The following ACSL1 variants were observed in gnomAD, a reference collection of about 807,000 sequenced individuals.
The protein encoded by ACSL1 is long-chain-fatty-acid--CoA ligase 1.
A neutral mutation model predicts 98.4 loss-of-function variants in ACSL1; 41 were observed. The observed-to-expected ratio is 0.42, with a 90% CI of 0.32 to 0.54. ACSL1 has a LOEUF of 0.54. Ranked by LOEUF, ACSL1 falls within the 20% of genes least tolerant of loss-of-function variation. The pLI is 0.13. For synonymous variants in ACSL1, 316 were observed against 322.7 expected (o/e 0.98, Z 0.22); for missense variants, 734 against 883.1 (o/e 0.83, Z 2.14).
At chr4:184,820,327 C>T (rs538321330) in intron 1 of ACSL1, among the ~76,000 whole-genome samples, 1 of 152,250 alleles carries the variant, frequency 6.6e-6, no homozygotes, top group East Asian at 1.9e-4. Context: ...AGTCATGCGT[C>T]TCAATTGTTC....
At chr4:184,793,044 G>A (rs990151122) in intron 2 of ACSL1, among the ~76,000 whole-genome samples, 2 of 152,108 alleles carry the variant, frequency 1.3e-5, no homozygotes, top group East Asian at 1.9e-4. Flanking sequence ...TGTGTGGGTC[G>A]CTTGGGCTCA....
chr4:184,790,947 G>A (rs755907996), intron 2 of ACSL1, among the ~76,000 whole-genome samples: 28 of 152,138 alleles, frequency 1.8e-4, no homozygotes, highest in Non-Finnish European at 3.8e-4. Context: ...CCAAGGCTAA[G>A]GTAGGAAGAG....
intron 1 of ACSL1, among the ~76,000 whole-genome samples, chr4:184,811,366 C>A (rs1461212972): frequency 6.6e-6 from 1 of 152,102 alleles, no homozygotes; most frequent in Non-Finnish European, 1.5e-5. Flanking sequence ...CCCGCCTTGG[C>A]CTCCCAAAGT....
chr4:184,785,600 C>CCGGA (rs1392500206), intron 3 of ACSL1, among the ~76,000 whole-genome samples: 1 of 19,146 alleles, frequency 5.2e-5, no homozygotes, highest in Non-Finnish European at 2.1e-4. Context: ...TCCTCCTGGG[C>CCGGA]GGGGGCGGGG....
chr4:184,760,387 A>G lies in ACSL1; in HGVS notation c.1752T>C (p.Ala584=). The change falls in exon 18 of 21, where the codon GCT becomes GCC. Residue 584 remains alanine (A), a synonymous_variant. Coordinates refer to ENST00000281455, the MANE Select transcript of ACSL1 (RefSeq NM_001995.5). ...ENIYMRSEPV[A]QVFVHGESLQ... The stretch of plus-strand genomic sequence containing the variant: ...GGCTTTCTCCGTGGACAAACACCTG[A>G]GCAACAGGCTCACTTCGCATGTAGA... 1 of 1,614,206 alleles carries G rather than the reference A, an allele frequency of 6.2e-7. No individual in the cohort carries two copies. Among genetic ancestry groups the G allele is most frequent in the East Asian group, 2.2e-5 (1 of 44,886 alleles).
In ACSL1 at chr4:184,757,148, G is replaced by C; in HGVS notation, c.2074C>G (p.Leu692Val). The C allele has an allele frequency of 1.2e-6, 2 of 1,602,950 alleles. No homozygotes were observed. The highest frequency in any genetic ancestry group is 1.7e-6 in the Non-Finnish European group (2 of 1,170,694). Residue 692 changes from leucine (L) to valine (V), a missense_variant, in exon 21 of 21, where the codon CTC becomes GTC. Coordinates refer to ENST00000281455, the MANE Select transcript of ACSL1 (RefSeq NM_001995.5). The surrounding 1 kb of genome is among the most constrained non-coding windows in gnomAD (Gnocchi z 4.5). Reference sequence around the variant, plus strand: ...CACTAAACCTTGATAGTGGAATAGAGGTCATCTATCTGCGACCTGAAATAG... The same window carrying C: ...CACTAAACCTTGATAGTGGAATAGACGTCATCTATCTGCGACCTGAAATAG... The part of the protein sequence containing the change: ...RNYFRSQIDD[L>V]YSTIKV
chr4:184,806,028 G>A (rs1471477168), intron 1 of ACSL1, among the ~76,000 whole-genome samples: 3 of 152,168 alleles, frequency 2.0e-5, no homozygotes, highest in Non-Finnish European at 2.9e-5. Flanking sequence ...TATTCTAGAC[G>A]AATACATAGG....
At chr4:184,787,539 TG>T (rs1167044038) in intron 3 of ACSL1, among the ~76,000 whole-genome samples, 2 of 152,018 alleles carry the variant, frequency 1.3e-5, no homozygotes, top group Non-Finnish European at 2.9e-5. Context: ...GCACCCAGGC[TG>T]GGGGTAGAAA....
At position 184,813,952 on chromosome 4, in the gene ACSL1, AG is replaced by A. The variant is rs1334183290; in HGVS notation, c.-32-10407del. 6 of 443,636 alleles carry A rather than the reference AG, an allele frequency of 1.4e-5. No individual in the cohort carries two copies. The Admixed American group carries it at 1.4e-4, about 10-fold the overall frequency. The allele number at this position is 443,636 out of a possible 1,614,324, so 27.5% of individuals were successfully genotyped here. On this transcript the variant is annotated intron_variant, in intron 1 of 20. Transcript: ENST00000281455. ...CCTCTCAGGTGCTCTGCCCAAAGTC[AG>A]GATCTTCCCATCTTCCCGTGGTGAC...
chr4:184,794,964 C>T (rs1286178554), intron 2 of ACSL1, among the ~76,000 whole-genome samples: 1 of 152,040 alleles, frequency 6.6e-6, no homozygotes, highest in African/African-American at 2.4e-5. Context: ...GGGTAGGAGG[C>T]TGACACGGTA....
At chr4:184,812,180 T>C (rs1438942838) in intron 1 of ACSL1, 4 of 985,104 alleles carry the variant, frequency 4.1e-6, no homozygotes, top group Non-Finnish European at 4.8e-6. Flanking sequence ...ACTTAGTACC[T>C]ATGTAGATGC....
At chr4:184,782,814 G>A (rs1343570248) in intron 4 of ACSL1, among the ~76,000 whole-genome samples, 3 of 152,044 alleles carry the variant, frequency 2.0e-5, no homozygotes. Flanking sequence ...GCATCCTGTC[G>A]ACCCCAGAGG....
chr4:184,775,654 G>T (rs1765178915), intron 7 of ACSL1, among the ~76,000 whole-genome samples: 1 of 152,068 alleles, frequency 6.6e-6, no homozygotes, highest in Non-Finnish European at 1.5e-5. Context: ...TGTGCCTACT[G>T]GGTTCCTCAG....
At chr4:184,818,967 C>A (rs1240519033) in intron 1 of ACSL1, among the ~76,000 whole-genome samples, 2 of 151,868 alleles carry the variant, frequency 1.3e-5, no homozygotes, top group East Asian at 1.9e-4. Flanking sequence ...GGGAGTATTT[C>A]GATATTTTAA....
At position 184,825,183 on chromosome 4, in the gene ACSL1, G is replaced by A. The variant is rs1235879474; in HGVS notation, c.-33+733C>T. 1 of 985,380 alleles carries A rather than the reference G, an allele frequency of 1.0e-6. No individual in the cohort carries two copies. The highest frequency in any genetic ancestry group is 1.7e-5 in the African/African-American group (1 of 57,336). 61.0% of individuals were successfully genotyped at this position (985,380 alleles called of 1,614,324 possible). A position where few individuals can be genotyped will look rare whatever the true frequency, so the allele number is the denominator to read the frequency against. ...CAACGCACCGACTGGGGGAACGCCT[G>A]TCCCCAGACTCGAATCCACGTGTCC... On this transcript the variant is annotated intron_variant, in intron 1 of 20. Coordinates refer to ENST00000281455, the MANE Select transcript of ACSL1 (RefSeq NM_001995.5). This position sits in a 1 kb window ranked among gnomAD's most constrained non-coding sequence, Gnocchi z 4.7.
chr4:184,774,009 T>C lies in ACSL1; in HGVS notation c.757-134A>G, dbSNP rs1223371980. On this transcript the variant is annotated intron_variant, in intron 7 of 20. Transcript: ENST00000281455. Reference sequence around the variant, plus strand: ...CTGGCTCGAAAACAGCATAATTTTCTAATTAAAGAAACTATGGCAGTTTTA... The same window carrying C: ...CTGGCTCGAAAACAGCATAATTTTCCAATTAAAGAAACTATGGCAGTTTTA... 6.4e-6 allele frequency: 6 copies of C among 935,776 alleles called. No individual in the cohort carries two copies. In the East Asian group the frequency reaches 1.3e-4, roughly 20 times the overall value. 58.0% of individuals were successfully genotyped at this position (935,776 alleles called of 1,614,324 possible).
In ACSL1 at chr4:184,797,504, C is replaced by T. The variant is rs529040623; in HGVS notation, c.195+5816G>A. Among the ~76,000 whole-genome samples, 98 of 152,308 alleles carry T rather than the reference C, an allele frequency of 6.4e-4. 2 individuals carry two copies. In the South Asian group the frequency reaches 0.02, roughly 31 times the overall value. ...GTCCTTGTTGCAGTGTGCATGTGAG[C>T]TGGAGGTCTGTGGTTTGTTCATGCA... On this transcript the variant is annotated intron_variant, in intron 2 of 20. Transcript: ENST00000281455.
chr4:184,763,443 T>C (rs1763141631), intron 15 of ACSL1, among the ~76,000 whole-genome samples, 188 bp from the exon 16 acceptor site: 1 of 152,188 alleles, frequency 6.6e-6, no homozygotes, highest in South Asian at 2.1e-4. Context: ...GGGAAGAACA[T>C]ATTTAGTGTC....
chr4:184,799,995 A>G (rs1770193796), intron 2 of ACSL1, among the ~76,000 whole-genome samples: 1 of 152,158 alleles, frequency 6.6e-6, no homozygotes, highest in Non-Finnish European at 1.5e-5. Flanking sequence ...ACAACTTTCT[A>G]CTACTATAAT....
Sources: allele counts gnomAD v4.1 joint callset (sites outside exome capture counted in the v4.1 genomes callset), GRCh38; gene constraint gnomAD v4.1.1; non-coding constraint Gnocchi (gnomAD v3.1); transcripts MANE v1.5; gene names NCBI Gene and HGNC (gene_info 2026-07-23, HGNC 2026-07-21).